Variants in SCFD2 observed in about 807,000 individuals in gnomAD.
SCFD2 encodes sec1 family domain-containing protein 2.
SCFD2 carries 54 observed loss-of-function variants against 58.9 expected under a neutral mutation model. The ratio of observed to expected loss-of-function variants is 0.92; its 90% confidence interval spans 0.74 to 1.15. SCFD2 has a LOEUF of 1.15. SCFD2 is among the 50% of genes most tolerant of loss of function. The pLI is 0.00. For synonymous variants in SCFD2, 321 were observed against 335.9 expected (o/e 0.96, Z 0.49); for missense variants, 805 against 836.6 (o/e 0.96, Z 0.47).
At chr4:53,203,537 G>C (rs1317983754) in intron 4 of SCFD2, among the ~76,000 whole-genome samples, 2 of 151,496 alleles carry the variant, frequency 1.3e-5, no homozygotes, top group Admixed American at 1.3e-4. Context: ...AAGTTTTGTT[G>C]TTTTTTTATA....
At chr4:53,260,688 T>C (rs984560224) in intron 4 of SCFD2, among the ~76,000 whole-genome samples, 21 of 152,300 alleles carry the variant, frequency 1.4e-4, no homozygotes, top group African/African-American at 4.3e-4. Flanking sequence ...TCTGTAGTTT[T>C]GTTTTTTGGT....
At chr4:53,283,541 C>T (rs547005279) in intron 3 of SCFD2, among the ~76,000 whole-genome samples, 183 of 152,058 alleles carry the variant, frequency 1.2e-3, no homozygotes, top group Non-Finnish European at 2.3e-3. Flanking sequence ...CATGGTTGTA[C>T]CAATATCCTC....
At chr4:52,917,859 G>A (rs958230843) in intron 6 of SCFD2, among the ~76,000 whole-genome samples, 2 of 152,332 alleles carry the variant, frequency 1.3e-5, no homozygotes, top group South Asian at 2.1e-4. Flanking sequence ...TTTTCCTAAC[G>A]GGTTAATGGG....
intron 5 of SCFD2, among the ~76,000 whole-genome samples, chr4:52,967,096 A>G (rs989145723): frequency 1.3e-5 from 2 of 152,228 alleles, no homozygotes; most frequent in African/African-American, 4.8e-5. Flanking sequence ...GTAGAATCAT[A>G]CAATATTTGT....
chr4:53,217,471 C>A (rs1051318130), intron 4 of SCFD2, among the ~76,000 whole-genome samples: 4 of 152,046 alleles, frequency 2.6e-5, no homozygotes, highest in Non-Finnish European at 5.9e-5. Flanking sequence ...CAACCCCTGC[C>A]TTTTTTTGTT....
chr4:53,095,961 C>A (rs1016276027), intron 5 of SCFD2, among the ~76,000 whole-genome samples: 1 of 151,926 alleles, frequency 6.6e-6, no homozygotes, highest in Non-Finnish European at 1.5e-5. Flanking sequence ...TTAGTGAGAA[C>A]ATGCGGTGTT....
chr4:53,007,581 G>A (rs1722006952), intron 5 of SCFD2, among the ~76,000 whole-genome samples: 1 of 152,168 alleles, frequency 6.6e-6, no homozygotes, highest in South Asian at 2.1e-4. Flanking sequence ...TTATAGGTAT[G>A]TTCTGGGGCA....
intron 4 of SCFD2, among the ~76,000 whole-genome samples, chr4:53,263,351 T>C (rs532301499): frequency 1.1e-4 from 16 of 152,318 alleles, no homozygotes; most frequent in South Asian, 1.0e-3. Context: ...AGAATTGTTT[T>C]TCTGGTTCCT....
intron 5 of SCFD2, among the ~76,000 whole-genome samples, chr4:53,037,047 T>C (rs1722782113): frequency 1.3e-5 from 2 of 152,116 alleles, no homozygotes; most frequent in Admixed American, 1.3e-4. Context: ...CTGCATTCAT[T>C]TGTCAAAACT....
chr4:53,281,272 GT>G (rs1731500643), intron 3 of SCFD2, among the ~76,000 whole-genome samples: 1 of 152,142 alleles, frequency 6.6e-6, no homozygotes, highest in African/African-American at 2.4e-5. Flanking sequence ...GAGTTTTAAT[GT>G]TTTTGTAAGT....
At chr4:52,975,264 C>T (rs939796914) in intron 5 of SCFD2, among the ~76,000 whole-genome samples, 6 of 152,136 alleles carry the variant, frequency 3.9e-5, no homozygotes, top group African/African-American at 1.2e-4. Context: ...TTTTTGCAAC[C>T]TACTCATCTG....
Position 53,033,023 on chromosome 4 carries a change from C to G in SCFD2, c.1562-112153G>C, listed in dbSNP as rs182684179. Among the ~76,000 whole-genome samples, 27 of 152,290 alleles carry G rather than the reference C, an allele frequency of 1.8e-4. No homozygotes were observed. The East Asian group carries it at 3.5e-3, about 20-fold the overall frequency. On this transcript the variant is annotated intron_variant, in intron 5 of 8. Transcript: ENST00000401642. ...AAATCAACAGAATATATACTCTTCT[C>G]AGCACCTCATTGCACATATTCTAAA...
At chr4:52,983,956 C>A (rs947740917) in intron 5 of SCFD2, among the ~76,000 whole-genome samples, 1 of 152,192 alleles carries the variant, frequency 6.6e-6, no homozygotes, top group East Asian at 1.9e-4. Context: ...CCAAACATTT[C>A]TTTTCTGAAG....
chr4:52,917,360 T>C (rs1250767368), intron 6 of SCFD2, among the ~76,000 whole-genome samples: 1 of 152,184 alleles, frequency 6.6e-6, no homozygotes, highest in Non-Finnish European at 1.5e-5. Flanking sequence ...AGGGGACAGT[T>C]GGGCTATGAA....
Position 53,352,815 on chromosome 4 carries a change from G to C in SCFD2, c.839-49C>G, listed in dbSNP as rs769085582. The C allele has an allele frequency of 2.0e-6, 3 of 1,505,164 alleles. No individual in the cohort carries two copies. The South Asian group carries it at 3.5e-5, about 18-fold the overall frequency. 93.2% of individuals were successfully genotyped at this position (1,505,164 alleles called of 1,614,324 possible). A position where few individuals can be genotyped will look rare whatever the true frequency, so the allele number is the denominator to read the frequency against. Reference sequence around the variant, plus strand: ...TAAATTCATAAAATGGGAGGAAAAAGCAAGTTGGATAAATGTTTTATCACA... The same window carrying C: ...TAAATTCATAAAATGGGAGGAAAAACCAAGTTGGATAAATGTTTTATCACA... On this transcript the variant is annotated intron_variant, in intron 1 of 8. Coordinates refer to ENST00000401642, the MANE Select transcript of SCFD2 (RefSeq NM_152540.4).
At chr4:53,029,007 C>T (rs936919953) in intron 5 of SCFD2, among the ~76,000 whole-genome samples, 6 of 152,084 alleles carry the variant, frequency 3.9e-5, no homozygotes, top group Non-Finnish European at 5.9e-5. Context: ...CTGGTTGAAA[C>T]GAAAAAGATG....
intron 2 of SCFD2, among the ~76,000 whole-genome samples, chr4:53,318,088 G>A (rs1401394875): frequency 6.6e-6 from 1 of 152,122 alleles, no homozygotes; most frequent in African/African-American, 2.4e-5. Flanking sequence ...GTCAACAATA[G>A]ATAATGTAGA....
intron 5 of SCFD2, among the ~76,000 whole-genome samples, chr4:53,120,594 G>A (rs1287170436): frequency 1.3e-5 from 2 of 152,080 alleles, no homozygotes; most frequent in East Asian, 1.9e-4. Flanking sequence ...AATGTCTCTG[G>A]GGCACAGAGA....
At chr4:52,948,357 C>T (rs961571243) in intron 5 of SCFD2, 9 of 296,582 alleles carry the variant, frequency 3.0e-5, no homozygotes, top group Non-Finnish European at 5.5e-5. Context: ...GATGCAGCTG[C>T]GGCACCATAG....
Sources: gnomAD v4.1 joint callset for allele counts (sites outside exome capture counted in the v4.1 genomes callset) on GRCh38, gnomAD v4.1.1 for gene constraint, MANE v1.5 for transcripts, NCBI Gene and HGNC (gene_info 2026-07-23, HGNC 2026-07-21) for gene names.